Variants in SEZ6L observed in about 807,000 individuals in gnomAD.
SEZ6L encodes seizure 6-like protein.
In SEZ6L, 37 loss-of-function variants were observed where a neutral mutation model predicts 106.2. The ratio of observed to expected loss-of-function variants is 0.35; its 90% CI spans 0.27 to 0.46. SEZ6L has a LOEUF of 0.46. SEZ6L is among the 20% of genes least tolerant of loss of function. The probability of loss-of-function intolerance (pLI) is 1.00; values close to 1 mark genes in which losing one functional copy is unlikely to be tolerated. For synonymous variants in SEZ6L, 541 were observed against 570.4 expected, an observed-to-expected ratio of 0.95 and a Z score of 0.73; for missense variants, 1,172 against 1,332.8, an observed-to-expected ratio of 0.88 and a Z score of 1.88.
Position 26,351,035 on chromosome 22 carries a change from G to C in SEZ6L, c.2408-17G>C. 2 of 1,607,074 alleles carry C rather than the reference G, an allele frequency of 1.2e-6. No individual in the cohort carries two copies. Among genetic ancestry groups the C allele is most frequent in the Non-Finnish European group, 1.7e-6 (2 of 1,176,292 alleles). ...CAGAGGTCTGACGTCCTCTTGGTCT[G>C]GTTTCATCCCGTGTAGTTATGTACT... On this transcript the variant is annotated splice_polypyrimidine_tract_variant and intron_variant, in intron 11 of 16. Transcript: ENST00000248933.
intron 1 of SEZ6L, among the ~76,000 whole-genome samples, chr22:26,222,849 T>C (rs933237081): frequency 2.0e-5 from 3 of 152,126 alleles, no homozygotes; most frequent in Non-Finnish European, 4.4e-5. Context: ...CCAGGGGCAA[T>C]TTTGCCCACC....
intron 10 of SEZ6L, among the ~76,000 whole-genome samples, chr22:26,341,143 G>A (rs987451218): frequency 5.3e-5 from 8 of 152,078 alleles, no homozygotes; most frequent in South Asian, 2.1e-4. Flanking sequence ...CTGTAGCCTC[G>A]TTGAACAAGG....
In SEZ6L at chr22:26,382,118, G is replaced by A; in HGVS notation, c.*1823G>A. The stretch of plus-strand genomic sequence containing the variant: ...CTTGCACATATACTCCTGAAGGCAT[G>A]AGTGTGTGGTCCATGGCAAGAAATA... On this transcript the variant is annotated 3_prime_UTR_variant, in exon 17 of 17. Coordinates refer to ENST00000248933, the MANE Select transcript of SEZ6L (RefSeq NM_021115.5). 2.0e-6 allele frequency: 1 copy of A among 509,664 alleles called. No individual in the cohort carries two copies. The highest frequency in any genetic ancestry group is 1.4e-5 in the South Asian group (1 of 69,812). The allele number at this position is 509,664 out of a possible 1,614,324, so 31.6% of individuals were successfully genotyped here.
chr22:26,308,539 CATAAT>C (rs1232030975), intron 6 of SEZ6L, among the ~76,000 whole-genome samples: 1 of 152,076 alleles, frequency 6.6e-6, no homozygotes, highest in Non-Finnish European at 1.5e-5. Context: ...ACTCCAGTCT[CATAAT>C]ATGCCCCCAA....
At chr22:26,334,947 C>T (rs1242572798) in intron 9 of SEZ6L, among the ~76,000 whole-genome samples, 1 of 152,172 alleles carries the variant, frequency 6.6e-6, no homozygotes, top group Non-Finnish European at 1.5e-5. Flanking sequence ...AGTCAAACTG[C>T]CATCCCGTTT....
intron 1 of SEZ6L, among the ~76,000 whole-genome samples, chr22:26,225,593 G>A (rs556233102): frequency 1.3e-5 from 2 of 152,280 alleles, no homozygotes; most frequent in Admixed American, 1.3e-4. Flanking sequence ...GCTGTGTTAG[G>A]GTAATGCATT....
chr22:26,259,648 A>G (rs941396356), intron 1 of SEZ6L, among the ~76,000 whole-genome samples: 5 of 152,206 alleles, frequency 3.3e-5, no homozygotes. Context: ...TCTTAAGGGC[A>G]TGATCTGCTG....
chr22:26,316,917 G>GAAAGAGAAAGAAAGAAA (rs1373386623), intron 9 of SEZ6L, among the ~76,000 whole-genome samples: 1 of 150,812 alleles, frequency 6.6e-6, no homozygotes, highest in Non-Finnish European at 1.5e-5. Flanking sequence ...AAGAAAGAAA[G>GAAAGAGAAAGAAAGAAA]AAAGAAAAAG....
intron 1 of SEZ6L, among the ~76,000 whole-genome samples, chr22:26,255,291 T>C (rs1429027871): frequency 6.6e-6 from 1 of 152,192 alleles, no homozygotes; most frequent in Non-Finnish European, 1.5e-5. Context: ...ACTTGCCTTT[T>C]GCTTCCCTCG....
intron 1 of SEZ6L, among the ~76,000 whole-genome samples, chr22:26,252,400 A>ATG (rs2079628514): frequency 6.6e-6 from 1 of 152,192 alleles, no homozygotes; most frequent in Non-Finnish European, 1.5e-5. Context: ...ACAAAGAAAC[A>ATG]TGTGTGTATA....
At chr22:26,319,823 G>A (rs1165034703) in intron 9 of SEZ6L, among the ~76,000 whole-genome samples, 1 of 152,222 alleles carries the variant, frequency 6.6e-6, no homozygotes, top group Non-Finnish European at 1.5e-5. Flanking sequence ...ATGGCCCATA[G>A]TAGGTGCTTA....
chr22:26,170,490 G>C (rs1938511854), intron 1 of SEZ6L, among the ~76,000 whole-genome samples: 1 of 152,056 alleles, frequency 6.6e-6, no homozygotes, highest in Admixed American at 6.5e-5. Context: ...GGGGGGTGAG[G>C]GGTGTTAGTT....
intron 13 of SEZ6L, among the ~76,000 whole-genome samples, chr22:26,372,630 C>T (rs655825): frequency 0.15 from 22,138 of 152,116 alleles, 2,045 homozygotes; most frequent in Non-Finnish European, 0.21. Flanking sequence ...TCATCAAAGT[C>T]CTTCATGCTG....
chr22:26,321,829 A>G (rs1022100733), intron 9 of SEZ6L, among the ~76,000 whole-genome samples: 4 of 152,172 alleles, frequency 2.6e-5, no homozygotes, highest in Non-Finnish European at 5.9e-5. Context: ...TAGTAGGCGC[A>G]TGACTTAGCT....
At chr22:26,351,527 T>C (rs2083280069) in intron 12 of SEZ6L, 3 of 227,410 alleles carry the variant, frequency 1.3e-5, no homozygotes, top group Non-Finnish European at 1.5e-5. Flanking sequence ...GTTTGTTTGT[T>C]TGTTTGTTTG....
At chr22:26,312,955 T>C (rs1011451651) in intron 8 of SEZ6L, among the ~76,000 whole-genome samples, 2 of 152,228 alleles carry the variant, frequency 1.3e-5, no homozygotes, top group African/African-American at 2.4e-5. Context: ...CCCTCACTCC[T>C]GGCAGCCACC....
intron 14 of SEZ6L, among the ~76,000 whole-genome samples, chr22:26,374,100 C>T (rs1029712253): frequency 1.3e-5 from 2 of 151,892 alleles, no homozygotes; most frequent in African/African-American, 2.4e-5. Context: ...GTAAAATGTC[C>T]AGCGTTCTAT....
chr22:26,209,223 A>G (rs1314508489), intron 1 of SEZ6L, among the ~76,000 whole-genome samples: 1 of 152,154 alleles, frequency 6.6e-6, no homozygotes, highest in Non-Finnish European at 1.5e-5. Context: ...CAACATCTAG[A>G]TCATCATGGA....
At chr22:26,305,910 CTCTG>C (rs2081615208) in intron 5 of SEZ6L, 65 bp from the exon 6 acceptor site, 1 of 1,431,474 alleles carries the variant, frequency 7.0e-7, no homozygotes, top group African/African-American at 1.4e-5. Context: ...CTCTCTTTCT[CTCTG>C]TCTCTCTCCT....
Sources: gnomAD v4.1 joint callset for allele counts (sites outside exome capture counted in the v4.1 genomes callset) on GRCh38, gnomAD v4.1.1 for gene constraint, MANE v1.5 for transcripts, NCBI Gene and HGNC (gene_info 2026-07-23, HGNC 2026-07-21) for gene names.